Variants in PAMR1 observed in about 807,000 individuals in gnomAD.
PAMR1 encodes the protein peptidase domain containing associated with muscle regeneration 1.
Under a neutral mutation model 81.8 loss-of-function variants are expected in PAMR1, and 88 were observed. The ratio of observed to expected loss-of-function variants is 1.08; its 90% CI spans 0.91 to 1.28. The LOEUF is 1.28. PAMR1 is among the 50% of genes most tolerant of loss of function. The probability of loss-of-function intolerance (pLI) is 0.00; values close to 1 mark genes in which losing one functional copy is unlikely to be tolerated. For synonymous variants in PAMR1, 336 were observed against 345.3 expected, an observed-to-expected ratio of 0.97 and a Z score of 0.30; for missense variants, 935 against 919.7, an observed-to-expected ratio of 1.02 and a Z score of -0.21.
chr11:35,449,190 T>TC (rs1343646484), intron 6 of PAMR1, among the ~76,000 whole-genome samples: 1 of 152,080 alleles, frequency 6.6e-6, no homozygotes, highest in Non-Finnish European at 1.5e-5. Flanking sequence ...CTGGGGGAAA[T>TC]CCCACTCGTC....
intron 6 of PAMR1, among the ~76,000 whole-genome samples, chr11:35,462,389 TC>T (rs1285389454): frequency 6.6e-6 from 1 of 152,214 alleles, no homozygotes; most frequent in Non-Finnish European, 1.5e-5. Context: ...CACCTACTTG[TC>T]CTTTTAAAAA....
At chr11:35,484,025 A>G (rs758922946) in intron 3 of PAMR1, among the ~76,000 whole-genome samples, 15 of 152,126 alleles carry the variant, frequency 9.9e-5, no homozygotes, top group Non-Finnish European at 2.2e-4. Flanking sequence ...TGCCACCCAA[A>G]ACAACAACTA....
At chr11:35,463,316 G>T (rs1856696448) in intron 6 of PAMR1, among the ~76,000 whole-genome samples, 1 of 152,192 alleles carries the variant, frequency 6.6e-6, no homozygotes, top group Non-Finnish European at 1.5e-5. Flanking sequence ...ATTGGTGGAG[G>T]TCGATTTGTT....
At chr11:35,525,789 T>A (rs1014010324), upstream of PAMR1, 47 of 590,822 alleles carry the variant, frequency 8.0e-5, no homozygotes, top group South Asian at 9.5e-4. Flanking sequence ...TCCTCTCTGC[T>A]GCCTTAACCC....
chr11:35,491,081 G>A (rs921964157), intron 3 of PAMR1, among the ~76,000 whole-genome samples: 39 of 152,114 alleles, frequency 2.6e-4, no homozygotes, highest in Admixed American at 2.0e-3. Flanking sequence ...AAATGGCATC[G>A]AAGTTTTAAA....
At chr11:35,481,702 T>C (rs1422759774) in intron 3 of PAMR1, among the ~76,000 whole-genome samples, 1 of 152,104 alleles carries the variant, frequency 6.6e-6, no homozygotes, top group Non-Finnish European at 1.5e-5. Flanking sequence ...TCTGTGTTTT[T>C]AGTAGAGACA....
upstream of PAMR1, chr11:35,525,759 G>T: frequency 1.6e-6 from 1 of 622,434 alleles, no homozygotes. Context: ...TTCAGCCAGA[G>T]CGACGTCAGC....
chr11:35,461,276 T>C (rs1430954998), intron 6 of PAMR1, among the ~76,000 whole-genome samples: 3 of 152,202 alleles, frequency 2.0e-5, no homozygotes, highest in Admixed American at 2.0e-4. Context: ...AGCAAAGCAA[T>C]GGTGGGTCTG....
intron 9 of PAMR1, 150 bp downstream of exon 9, chr11:35,435,753 G>T (rs983166943): frequency 1.6e-6 from 1 of 611,156 alleles, no homozygotes; most frequent in Non-Finnish European, 2.9e-6. Context: ...TAAGCCAAAG[G>T]AAAAAAAAAG....
intron 8 of PAMR1, among the ~76,000 whole-genome samples, chr11:35,437,632 G>A (rs10219201): frequency 0.011 from 1,748 of 152,356 alleles, 28 homozygotes; most frequent in African/African-American, 0.04. Flanking sequence ...TCAGCTGCCT[G>A]TCTTCCCAAC....
chr11:35,522,009 A>G (rs528724403), intron 1 of PAMR1, among the ~76,000 whole-genome samples: 92 of 151,426 alleles, frequency 6.1e-4, no homozygotes, highest in African/African-American at 2.2e-3. Flanking sequence ...TGCAAGCTCC[A>G]CCTCCCAGGT....
chr11:35,476,818 C>G (rs970170584), intron 3 of PAMR1, among the ~76,000 whole-genome samples: 22 of 152,008 alleles, frequency 1.4e-4, no homozygotes, highest in Middle Eastern at 3.4e-3. Flanking sequence ...CTGCCTAAAC[C>G]CACACTCCTC....
intron 1 of PAMR1, among the ~76,000 whole-genome samples, chr11:35,507,077 GC>G (rs1196257973): frequency 3.6e-5 from 1 of 28,098 alleles, no homozygotes. Flanking sequence ...ACAGAGTTTT[GC>G]TCTTGTTGCC....
chr11:35,512,634 C>G (rs948502322), intron 1 of PAMR1, among the ~76,000 whole-genome samples: 1 of 152,138 alleles, frequency 6.6e-6, no homozygotes, highest in Non-Finnish European at 1.5e-5. Context: ...GTTTTCTCGT[C>G]TGTGAAATGT....
chr11:35,461,300 T>C (rs908309147), intron 6 of PAMR1, among the ~76,000 whole-genome samples: 1 of 152,192 alleles, frequency 6.6e-6, no homozygotes, highest in African/African-American at 2.4e-5. Context: ...CTTTCAACAC[T>C]GATGGGTGCT....
intron 6 of PAMR1, among the ~76,000 whole-genome samples, chr11:35,462,131 C>T (rs1247466651): frequency 2.0e-5 from 3 of 152,006 alleles, no homozygotes; most frequent in Non-Finnish European, 2.9e-5. Flanking sequence ...GGGACTGACA[C>T]AGCCCACACT....
chr11:35,471,090 G>A (rs998936537), intron 4 of PAMR1, among the ~76,000 whole-genome samples: 2 of 152,188 alleles, frequency 1.3e-5, no homozygotes, highest in African/African-American at 4.8e-5. Flanking sequence ...GCATGTGTTG[G>A]TCTCTTTTCC....
At chr11:35,511,100 T>C (rs1339046272) in intron 1 of PAMR1, among the ~76,000 whole-genome samples, 2 of 152,246 alleles carry the variant, frequency 1.3e-5, no homozygotes, top group Non-Finnish European at 2.9e-5. Flanking sequence ...AGCTTTCATA[T>C]ATTTAGTAAA....
Position 35,434,690 on chromosome 11 carries a change from C to T in PAMR1, c.1448G>A (p.Gly483Glu), listed in dbSNP as rs1334368117. 1.9e-6 allele frequency: 3 copies of T among 1,614,206 alleles called. No individual in the cohort carries two copies. The highest frequency in any genetic ancestry group is 1.1e-5 in the South Asian group (1 of 91,078). ...ACCGCTGCAGACTAGGAACCACGCTCCCTTGTGTAGGCTGCCGTCATGCAC... is the reference window on the plus strand; with the variant it reads ...ACCGCTGCAGACTAGGAACCACGCTTCCTTGTGTAGGCTGCCGTCATGCAC... Reference protein sequence around the residue: ...SGVHDGSLHKGAWFLVCSGAL... With the variant: ...SGVHDGSLHKEAWFLVCSGAL... Residue 483 changes from glycine (G) to glutamate (E), a missense_variant, in exon 10 of 11, where the codon GGA (glycine) becomes GAA (glutamate). Gly to Glu is a moderately conservative substitution (Grantham distance 98). Coordinates refer to ENST00000619888, the MANE Select transcript of PAMR1 (RefSeq NM_001001991.3).
Sources: allele counts gnomAD v4.1 joint callset (sites outside exome capture counted in the v4.1 genomes callset), GRCh38; gene constraint gnomAD v4.1.1; transcripts MANE v1.5; gene names NCBI Gene and HGNC (gene_info 2026-07-23, HGNC 2026-07-21).